The following PRKCB variants were observed in gnomAD, a reference collection of about 807,000 sequenced individuals.
PRKCB encodes protein kinase C beta.
In PRKCB, 13 loss-of-function variants were observed where a neutral mutation model predicts 81.5. That is an observed-to-expected ratio of 0.16 (90% confidence interval 0.10 to 0.25). The LOEUF is 0.25. Ranked by LOEUF, PRKCB falls within the 10% of genes least tolerant of loss-of-function variation. The pLI is 1.00. For synonymous variants in PRKCB, 335 were observed against 321.4 expected, an observed-to-expected ratio of 1.04 and a Z score of -0.45; for missense variants, 509 against 875.7, an observed-to-expected ratio of 0.58 and a Z score of 5.29.
At chr16:24,205,629 T>C (rs1416248773) in intron 16 of PRKCB, among the ~76,000 whole-genome samples, 1 of 152,150 alleles carries the variant, frequency 6.6e-6, no homozygotes, top group Non-Finnish European at 1.5e-5. Flanking sequence ...TTAAAGGAGG[T>C]AAAGCTTGCA....
intron 2 of PRKCB, among the ~76,000 whole-genome samples, chr16:23,972,966 G>A (rs546541366): frequency 6.6e-6 from 1 of 152,136 alleles, no homozygotes; most frequent in African/African-American, 2.4e-5. Context: ...TGGTGTTAAG[G>A]TTTAGTTTTT....
At chr16:24,173,893 G>A (rs1163395632) in intron 11 of PRKCB, among the ~76,000 whole-genome samples, 1 of 152,216 alleles carries the variant, frequency 6.6e-6, no homozygotes, top group East Asian at 1.9e-4. Flanking sequence ...ATTGTTATTA[G>A]GATTAAGTCA....
intron 16 of PRKCB, among the ~76,000 whole-genome samples, chr16:24,209,087 G>A (rs1049075976): frequency 2.0e-5 from 3 of 152,116 alleles, no homozygotes; most frequent in East Asian, 1.9e-4. Flanking sequence ...AGGCCCAGGC[G>A]AAGAAACAGC....
At chr16:24,163,903 T>C (rs1316026092) in intron 10 of PRKCB, among the ~76,000 whole-genome samples, 1 of 152,194 alleles carries the variant, frequency 6.6e-6, no homozygotes, top group Non-Finnish European at 1.5e-5. Flanking sequence ...AACCCAGGAC[T>C]AGCTGATACC....
rs116740258 is a variant in PRKCB, at chr16:24,058,718, G to A, written c.529+23171G>A. On this transcript the variant is annotated intron_variant, in intron 5 of 16. Transcript: ENST00000643927. Reference sequence around the variant, plus strand: ...TGGTGTGTTCAGACCATAGATTGTAGCTATGAAGTCTGATTAATGCCAGCT... The same window carrying A: ...TGGTGTGTTCAGACCATAGATTGTAACTATGAAGTCTGATTAATGCCAGCT... Among the ~76,000 whole-genome samples the A allele has an allele frequency of 3.1e-3, 470 of 152,336 alleles. 3 individuals carry two copies. The highest frequency in any genetic ancestry group is 0.011 in the African/African-American group (437 of 41,570).
intron 2 of PRKCB, among the ~76,000 whole-genome samples, chr16:23,933,800 AT>A (rs1330191307): frequency 7.1e-6 from 1 of 140,276 alleles, no homozygotes; most frequent in African/African-American, 2.7e-5. Context: ...CCATCCATCC[AT>A]CCATCCACCC....
At chr16:24,136,293 GA>G (rs1567387882) in intron 9 of PRKCB, among the ~76,000 whole-genome samples, 1 of 152,042 alleles carries the variant, frequency 6.6e-6, no homozygotes, top group Non-Finnish European at 1.5e-5. Context: ...TTATATCAAG[GA>G]AAATGAAATG....
intron 2 of PRKCB, among the ~76,000 whole-genome samples, chr16:23,873,688 G>A (rs1962950138): frequency 6.6e-6 from 1 of 152,182 alleles, no homozygotes; most frequent in African/African-American, 2.4e-5. Context: ...AGTGGATAGG[G>A]ACATGGAAGA....
intron 3 of PRKCB, among the ~76,000 whole-genome samples, chr16:24,025,591 G>A (rs189060935): frequency 1.3e-5 from 2 of 152,318 alleles, no homozygotes; most frequent in Admixed American, 1.3e-4. Flanking sequence ...GCAATTAAGC[G>A]TGCATTTATA....
At chr16:23,990,460 A>G (rs1964870489) in intron 3 of PRKCB, among the ~76,000 whole-genome samples, 1 of 151,392 alleles carries the variant, frequency 6.6e-6, no homozygotes, top group African/African-American at 2.4e-5. Context: ...TCTGTCTCGA[A>G]AAAAAAGAAA....
intron 2 of PRKCB, among the ~76,000 whole-genome samples, chr16:23,944,695 A>G (rs1251445480): frequency 2.6e-5 from 4 of 151,820 alleles, no homozygotes; most frequent in Admixed American, 6.6e-5. Context: ...GGCTGGAAAA[A>G]CCTCACAAAG....
chr16:24,084,714 A>G (rs1048180418), intron 5 of PRKCB, among the ~76,000 whole-genome samples: 1 of 152,218 alleles, frequency 6.6e-6, no homozygotes, highest in Non-Finnish European at 1.5e-5. Context: ...ACTAGAAATT[A>G]ATGACAAAAA....
chr16:24,099,398 G>T (rs1473009534), intron 7 of PRKCB: 1 of 152,086 alleles, frequency 6.6e-6, no homozygotes, highest in Non-Finnish European at 1.5e-5. Flanking sequence ...TTTTAAAGAA[G>T]TTTATTCTGA....
At chr16:24,090,558 G>T (rs1035111982) in intron 5 of PRKCB, among the ~76,000 whole-genome samples, 1 of 152,126 alleles carries the variant, frequency 6.6e-6, no homozygotes, top group Non-Finnish European at 1.5e-5. Flanking sequence ...CAAAGGAGTA[G>T]CTAAAATGCA....
At chr16:24,131,293 T>C (rs760654366) in intron 9 of PRKCB, among the ~76,000 whole-genome samples, 1 of 152,218 alleles carries the variant, frequency 6.6e-6, no homozygotes, top group Non-Finnish European at 1.5e-5. Flanking sequence ...ACAGAACCAT[T>C]AAGCTTCCCC....
intron 7 of PRKCB, among the ~76,000 whole-genome samples, chr16:24,110,101 G>A (rs1966653151): frequency 7.5e-6 from 1 of 133,812 alleles, no homozygotes; most frequent in African/African-American, 3.4e-5. Context: ...AGAGGGAGAG[G>A]GAGACCGTGG....
chr16:23,975,863 CA>C (rs200596310), intron 2 of PRKCB, among the ~76,000 whole-genome samples: 4 of 151,754 alleles, frequency 2.6e-5, no homozygotes, highest in South Asian at 4.2e-4. Context: ...TCACAAGAGA[CA>C]AAAAAAACAA....
At chr16:24,066,109 G>GTGTC (rs1966031098) in intron 5 of PRKCB, among the ~76,000 whole-genome samples, 1 of 149,252 alleles carries the variant, frequency 6.7e-6, no homozygotes, top group African/African-American at 2.5e-5. Context: ...GTGTGTGTGT[G>GTGTC]TGTTTGTATG....
At position 24,219,194 on chromosome 16, in the gene PRKCB, A is replaced by G; in HGVS notation, c.*4378A>G. On this transcript the variant is annotated 3_prime_UTR_variant, in exon 17 of 17. Coordinates refer to ENST00000643927, the MANE Select transcript of PRKCB (RefSeq NM_002738.7). Reference sequence around the variant, plus strand: ...AATTTCTTCTCCACCTCCCTACTGAACAAAAAAAGAAATGCCAGACTTACT... The same window carrying G: ...AATTTCTTCTCCACCTCCCTACTGAGCAAAAAAAGAAATGCCAGACTTACT... 1.0e-6 allele frequency: 1 copy of G among 985,424 alleles called. No individual in the cohort carries two copies. The allele number at this position is 985,424 out of a possible 1,614,324, so 61.0% of individuals were successfully genotyped here. A position where few individuals can be genotyped will look rare whatever the true frequency, so the allele number is the denominator to read the frequency against.
Sources: gnomAD v4.1 joint callset for allele counts (sites outside exome capture counted in the v4.1 genomes callset) on GRCh38, gnomAD v4.1.1 for gene constraint, MANE v1.5 for transcripts, NCBI Gene and HGNC (gene_info 2026-07-23, HGNC 2026-07-21) for gene names.